FOXN2: variants seen among roughly 807,000 people sequenced by gnomAD.
FOXN2 encodes the protein forkhead box protein N2.
In FOXN2, 19 loss-of-function variants were observed where a neutral mutation model predicts 41.2. The ratio of observed to expected loss-of-function variants is 0.46; its 90% confidence interval spans 0.32 to 0.68. The LOEUF (loss-of-function observed/expected upper bound fraction) is 0.68. FOXN2 is among the 30% of genes least tolerant of loss of function. FOXN2 has a pLI of 0.03. For synonymous variants in FOXN2, 195 were observed against 176.8 expected (o/e 1.10, Z -0.82); for missense variants, 587 against 509.4 (o/e 1.15, Z -1.47).
intron 3 of FOXN2, among the ~76,000 whole-genome samples, chr2:48,356,633 T>C (rs1469872791): frequency 6.6e-6 from 1 of 152,244 alleles, no homozygotes; most frequent in African/African-American, 2.4e-5. Flanking sequence ...ATTACCACTT[T>C]ATAGTTTTAT....
At chr2:48,343,811 G>T (rs1036950764) in intron 2 of FOXN2, among the ~76,000 whole-genome samples, 1 of 151,956 alleles carries the variant, frequency 6.6e-6, no homozygotes, top group African/African-American at 2.4e-5. Flanking sequence ...AGTTGGAAAG[G>T]AAGGGCATTT....
intron 3 of FOXN2, among the ~76,000 whole-genome samples, chr2:48,352,648 C>G (rs1056212584): frequency 6.6e-6 from 1 of 152,152 alleles, no homozygotes; most frequent in African/African-American, 2.4e-5. Context: ...CGAAATTGGA[C>G]TTTATTCCTC....
chr2:48,362,759 A>G (rs111751813), intron 5 of FOXN2, 52 bp downstream of exon 5: 5 of 1,457,460 alleles, frequency 3.4e-6, no homozygotes, highest in Admixed American at 3.4e-5. Flanking sequence ...CTTTTGGTCA[A>G]CAACAGGCAG....
At chr2:48,336,418 A>AAAAAAT (rs535900555) in intron 2 of FOXN2, among the ~76,000 whole-genome samples, 7 of 147,360 alleles carry the variant, frequency 4.8e-5, no homozygotes, top group Admixed American at 6.7e-5. Flanking sequence ...CAAAAAAAAA[A>AAAAAAT]ATATATATAT....
At chr2:48,329,519 T>G (rs913512472) in intron 2 of FOXN2, among the ~76,000 whole-genome samples, 1 of 152,094 alleles carries the variant, frequency 6.6e-6, no homozygotes, top group Non-Finnish European at 1.5e-5. Flanking sequence ...CCATCCCCCT[T>G]GACTAGAAAA....
chr2:48,321,760 T>G (rs923763005), intron 1 of FOXN2, among the ~76,000 whole-genome samples: 22 of 152,158 alleles, frequency 1.4e-4, no homozygotes, highest in Non-Finnish European at 2.1e-4. Context: ...TTTTAGTACA[T>G]TATACATGGT....
chr2:48,361,364 G>T (rs1281695602), intron 4 of FOXN2, among the ~76,000 whole-genome samples: 1 of 151,876 alleles, frequency 6.6e-6, no homozygotes, highest in Non-Finnish European at 1.5e-5. Context: ...TACTCGGGAG[G>T]CTGAGGCAAG....
Position 48,377,735 on chromosome 2 carries a change from C to G in FOXN2, c.*2292C>G, listed in dbSNP as rs1363477105. ...GAGGTTACACAATATTTTACAGTTT[C>G]TTAAACATAATTTAATGCATCACCT... On this transcript the variant is annotated 3_prime_UTR_variant, in exon 7 of 7. Coordinates refer to ENST00000340553, the MANE Select transcript of FOXN2 (RefSeq NM_002158.4). The G allele has an allele frequency of 6.6e-6, 1 of 152,062 alleles. No individual in the cohort carries two copies. Among genetic ancestry groups the G allele is most frequent in the Non-Finnish European group, 1.5e-5 (1 of 67,922 alleles). The allele number at this position is 152,062 out of a possible 1,614,324, so 9.4% of individuals were successfully genotyped here.
intron 1 of FOXN2, among the ~76,000 whole-genome samples, chr2:48,322,598 CCAATA>C (rs1176931274): frequency 6.6e-6 from 1 of 151,678 alleles, no homozygotes; most frequent in Non-Finnish European, 1.5e-5. Context: ...AAGATTTTAT[CCAATA>C]CATTTTTTTC....
At chr2:48,338,456 C>T (rs1670513917) in intron 2 of FOXN2, among the ~76,000 whole-genome samples, 1 of 151,520 alleles carries the variant, frequency 6.6e-6, no homozygotes, top group Non-Finnish European at 1.5e-5. Context: ...GGCTGGAGTG[C>T]AGTGGCGCGA....
chr2:48,342,196 C>G (rs1670821713), intron 2 of FOXN2, among the ~76,000 whole-genome samples: 1 of 152,008 alleles, frequency 6.6e-6, no homozygotes, highest in Non-Finnish European at 1.5e-5. Context: ...TACTTTTTCA[C>G]TGGTTTTTAT....
chr2:48,325,369 GT>G (rs1411377918), intron 1 of FOXN2, among the ~76,000 whole-genome samples: 1 of 152,122 alleles, frequency 6.6e-6, no homozygotes, highest in Non-Finnish European at 1.5e-5. Flanking sequence ...CATTCAATGA[GT>G]TTTTTAAATT....
At chr2:48,354,047 G>A (rs1349516583) in intron 3 of FOXN2, among the ~76,000 whole-genome samples, 1 of 152,098 alleles carries the variant, frequency 6.6e-6, no homozygotes, top group Non-Finnish European at 1.5e-5. Flanking sequence ...TACATAAAAG[G>A]TAACCATCTA....
At chr2:48,316,977 G>C (rs1275112937) in intron 1 of FOXN2, among the ~76,000 whole-genome samples, 1 of 152,082 alleles carries the variant, frequency 6.6e-6, no homozygotes, top group African/African-American at 2.4e-5. Flanking sequence ...TGGTATCTAG[G>C]CCTTAGGGCA....
In FOXN2 at chr2:48,375,034, T is replaced by G. The variant is rs747745618; in HGVS notation, c.887T>G (p.Ile296Ser). 6 of 1,614,090 alleles carry G rather than the reference T, an allele frequency of 3.7e-6. No homozygotes were observed. Among genetic ancestry groups the G allele is most frequent in the Non-Finnish European group, 5.1e-6 (6 of 1,179,984 alleles). The change falls in exon 7 of 7, where the codon ATT becomes AGT. Residue 296 changes from isoleucine to serine, a missense_variant. Physicochemically the swap from Ile to Ser is moderately radical, Grantham distance 142. Coordinates refer to ENST00000340553, the MANE Select transcript of FOXN2 (RefSeq NM_002158.4). ...LQESDSLATSIDPKEDHNYSA... is the reference protein window; with the variant it reads ...LQESDSLATSSDPKEDHNYSA... ...GAGAGTGATTCTTTAGCCACCAGCA[T>G]TGATCCAAAAGAAGATCACAATTAC... is the stretch of plus-strand genomic sequence containing the variant.
chr2:48,318,953 G>A (rs1669109986), intron 1 of FOXN2, among the ~76,000 whole-genome samples: 1 of 152,116 alleles, frequency 6.6e-6, no homozygotes, highest in Admixed American at 6.6e-5. Flanking sequence ...CATAAAAATA[G>A]CCATCTCTTT....
intron 4 of FOXN2, among the ~76,000 whole-genome samples, chr2:48,361,613 G>A (rs1045766569): frequency 2.0e-5 from 3 of 152,182 alleles, no homozygotes; most frequent in Admixed American, 6.5e-5. Context: ...TGTAGCCCTT[G>A]CATATAAGAA....
chr2:48,317,125 A>C (rs530316968), intron 1 of FOXN2, among the ~76,000 whole-genome samples: 6 of 152,280 alleles, frequency 3.9e-5, no homozygotes, highest in Admixed American at 6.5e-5. Context: ...TCAGGAGTTC[A>C]AGTCCAGCCT....
chr2:48,356,255 A>G (rs1671786087), intron 3 of FOXN2, among the ~76,000 whole-genome samples: 2 of 152,228 alleles, frequency 1.3e-5, no homozygotes, highest in South Asian at 2.1e-4. Flanking sequence ...AGGCTGGCCA[A>G]CATGGTGGAA....
Sources: allele counts gnomAD v4.1 joint callset (sites outside exome capture counted in the v4.1 genomes callset), GRCh38; gene constraint gnomAD v4.1.1; transcripts MANE v1.5; gene names NCBI Gene and HGNC (gene_info 2026-07-23, HGNC 2026-07-21).